PLPPR1: variants seen among roughly 807,000 people sequenced by gnomAD.
The protein encoded by PLPPR1 is phospholipid phosphatase-related protein type 1.
PLPPR1 carries 10 observed loss-of-function variants against 33.1 expected under a neutral mutation model. The observed-to-expected ratio is 0.30, with a 90% CI of 0.19 to 0.51. The LOEUF is 0.51. Among genes scored for constraint, PLPPR1 ranks in the 20% least tolerant of loss-of-function variants. The pLI, the probability that PLPPR1 is intolerant of heterozygous loss-of-function variation, is 0.97. For missense variants in PLPPR1, 304 were observed against 408.1 expected (o/e 0.74, Z 2.20); for synonymous variants, 151 against 151.0 (o/e 1.00, Z 0.00).
At position 101,226,331 on chromosome 9, in the gene PLPPR1, CCTTAGTCATTA is replaced by C. The variant is rs1827067038; in HGVS notation, c.63+40776_63+40786del. Among the ~76,000 whole-genome samples the C allele has an allele frequency of 9.2e-5, 14 of 152,240 alleles. No homozygotes were observed. The South Asian group carries it at 2.9e-3, about 32-fold the overall frequency. ...AGCAAGTAGCCAGGGCTTGAGTGTG[CCTTAGTCATTA>C]CAGAGATATATGCCAGGGAAAACAG... On this transcript the variant is annotated intron_variant, in intron 2 of 7. Coordinates refer to ENST00000374874, the MANE Select transcript of PLPPR1 (RefSeq NM_207299.2).
At chr9:101,083,145 G>A (rs999567981) in intron 1 of PLPPR1, among the ~76,000 whole-genome samples, 7 of 152,112 alleles carry the variant, frequency 4.6e-5, no homozygotes, top group Non-Finnish European at 1.0e-4. Flanking sequence ...ACGTACACTA[G>A]TTCTCTCTAG....
intron 1 of PLPPR1, among the ~76,000 whole-genome samples, chr9:101,048,561 C>A (rs1038414747): frequency 3.3e-5 from 5 of 152,154 alleles, no homozygotes; most frequent in African/African-American, 1.2e-4. Context: ...TAATGAATCA[C>A]AATAAGCCAA....
intron 1 of PLPPR1, among the ~76,000 whole-genome samples, chr9:101,072,984 T>G (rs1262095665): frequency 8.5e-5 from 13 of 152,194 alleles, no homozygotes; most frequent in Non-Finnish European, 1.6e-4. Flanking sequence ...AATTCTTAAC[T>G]GGTTTAACCA....
chr9:101,132,969 T>C (rs771063665), intron 1 of PLPPR1, among the ~76,000 whole-genome samples: 1 of 152,194 alleles, frequency 6.6e-6, no homozygotes, highest in Non-Finnish European at 1.5e-5. Context: ...TTCTCTCAGG[T>C]CTAAATTTAG....
intron 4 of PLPPR1, among the ~76,000 whole-genome samples, chr9:101,291,246 G>A (rs556140103): frequency 4.4e-4 from 67 of 152,148 alleles, no homozygotes; most frequent in Middle Eastern, 6.8e-3. Context: ...AGGGGCGCCC[G>A]CCATTGCCCA....
intron 1 of PLPPR1, among the ~76,000 whole-genome samples, chr9:101,080,689 C>G (rs1396337992): frequency 6.6e-6 from 1 of 152,268 alleles, no homozygotes; most frequent in East Asian, 1.9e-4. Flanking sequence ...CTGCCAACCT[C>G]CGGGAACTGA....
At chr9:101,114,539 A>T (rs1831096431) in intron 1 of PLPPR1, among the ~76,000 whole-genome samples, 1 of 152,032 alleles carries the variant, frequency 6.6e-6, no homozygotes, top group Non-Finnish European at 1.5e-5. Context: ...ATCAGACCTC[A>T]CTCTCCTTTC....
intron 4 of PLPPR1, among the ~76,000 whole-genome samples, chr9:101,304,734 C>T (rs1828816528): frequency 2.6e-5 from 4 of 152,212 alleles, no homozygotes; most frequent in African/African-American, 7.2e-5. Flanking sequence ...CAGACGTACA[C>T]AGCCCCAAGT....
At chr9:101,323,359 G>T (rs1829190907) in intron 7 of PLPPR1, among the ~76,000 whole-genome samples, 1 of 151,568 alleles carries the variant, frequency 6.6e-6, no homozygotes, top group Non-Finnish European at 1.5e-5. Context: ...ACCAGGCATG[G>T]TGGCATGTGC....
chr9:101,262,716 G>A (rs1303281399), intron 2 of PLPPR1, among the ~76,000 whole-genome samples: 1 of 152,178 alleles, frequency 6.6e-6, no homozygotes, highest in Non-Finnish European at 1.5e-5. Flanking sequence ...TATGTTTATT[G>A]CAGCACTGTT....
At chr9:101,229,019 T>C (rs2118812389) in intron 2 of PLPPR1, among the ~76,000 whole-genome samples, 1 of 149,368 alleles carries the variant, frequency 6.7e-6, no homozygotes, top group African/African-American at 2.4e-5. Flanking sequence ...GAGATTCATC[T>C]GACCATTCCT....
At chr9:101,174,511 G>A (rs1825991266) in intron 1 of PLPPR1, among the ~76,000 whole-genome samples, 1 of 152,048 alleles carries the variant, frequency 6.6e-6, no homozygotes, top group Admixed American at 6.6e-5. Context: ...CCTTTTGAAG[G>A]GCATTTTTAT....
intron 1 of PLPPR1, among the ~76,000 whole-genome samples, chr9:101,130,207 T>A (rs1469557449): frequency 1.3e-5 from 2 of 152,110 alleles, no homozygotes; most frequent in African/African-American, 2.4e-5. Context: ...GCAAAAAAAA[T>A]TTGTACAGAA....
chr9:101,136,066 A>G (rs1831374258), intron 1 of PLPPR1, among the ~76,000 whole-genome samples: 1 of 152,208 alleles, frequency 6.6e-6, no homozygotes, highest in Non-Finnish European at 1.5e-5. Flanking sequence ...ATCAGCTTTA[A>G]TCTCTCTCCT....
chr9:101,107,868 C>T (rs1424630528), intron 1 of PLPPR1, among the ~76,000 whole-genome samples: 2 of 151,216 alleles, frequency 1.3e-5, no homozygotes, highest in African/African-American at 2.5e-5. Context: ...GTTTTTTAAG[C>T]CGGTCTGAAA....
At chr9:101,160,035 G>T (rs954816296) in intron 1 of PLPPR1, among the ~76,000 whole-genome samples, 7 of 152,190 alleles carry the variant, frequency 4.6e-5, no homozygotes, top group Non-Finnish European at 8.8e-5. Context: ...GGATAAAGAA[G>T]TGGAGTGAGA....
intron 1 of PLPPR1, among the ~76,000 whole-genome samples, chr9:101,083,738 C>T (rs977952904): frequency 4.6e-5 from 7 of 152,094 alleles, no homozygotes; most frequent in South Asian, 2.1e-4. Flanking sequence ...TGAGGAATGC[C>T]GCATTGAATA....
intron 2 of PLPPR1, among the ~76,000 whole-genome samples, chr9:101,202,384 CTCTTG>C (rs1217014341): frequency 6.6e-6 from 1 of 152,166 alleles, no homozygotes; most frequent in Non-Finnish European, 1.5e-5. Context: ...ATTTTGTCTT[CTCTTG>C]TCTTACCTAT....
At chr9:101,049,366 G>A (rs1001504654) in intron 1 of PLPPR1, among the ~76,000 whole-genome samples, 26 of 152,146 alleles carry the variant, frequency 1.7e-4, no homozygotes, top group African/African-American at 6.0e-4. Flanking sequence ...AATTTATAGA[G>A]TATTAAATAA....
Sources: allele counts gnomAD v4.1 joint callset (sites outside exome capture counted in the v4.1 genomes callset), GRCh38; gene constraint gnomAD v4.1.1; transcripts MANE v1.5; gene names NCBI Gene and HGNC (gene_info 2026-07-23, HGNC 2026-07-21).